The following PAPLN variants were observed in gnomAD, a reference collection of about 807,000 sequenced individuals.
PAPLN encodes the protein papilin, proteoglycan like sulfated glycoprotein.
Under a neutral mutation model 159.0 loss-of-function variants are expected in PAPLN, and 146 were observed. The observed-to-expected ratio is 0.92, with a 90% CI of 0.80 to 1.05. PAPLN has a LOEUF of 1.05. Among genes scored for constraint, PAPLN ranks in the 50% least tolerant of loss-of-function variants. PAPLN has a pLI of 0.00. For missense variants in PAPLN, 1,720 were observed against 1,743.9 expected (o/e 0.99, Z 0.24); for synonymous variants, 734 against 702.9 (o/e 1.04, Z -0.70).
Position 73,263,743 on chromosome 14 carries a change from C to CTG in PAPLN, c.2823_2824dup (p.Ala942ValfsTer23). ...GACGACACTGCCCCGGAATCCCAGGCTGCCTGGCAGAAAGATGGCCAGCCC... is the reference window on the plus strand; with the variant it reads ...GACGACACTGCCCCGGAATCCCAGGCTGTGCCTGGCAGAAAGATGGCCAGCCC... On this transcript the variant is annotated frameshift_variant, in exon 20 of 27. Coordinates refer to ENST00000644200, the MANE Select transcript of PAPLN (RefSeq NM_001365906.3). LOFTEE classifies it high-confidence loss of function. The CTG allele has an allele frequency of 3.1e-6, 5 of 1,608,324 alleles. No homozygotes were observed. The highest frequency in any genetic ancestry group is 4.2e-6 in the Non-Finnish European group (5 of 1,179,904).
At chr14:73,253,621 C>A in intron 11 of PAPLN, 133 bp from the exon 12 acceptor site, 1 of 839,560 alleles carries the variant, frequency 1.2e-6, no homozygotes, top group Non-Finnish European at 1.8e-6. Context: ...AGCCTTTGTT[C>A]AGGCTGGAGG....
Position 73,265,458 on chromosome 14 carries a change from C to T in PAPLN, c.3214C>T (p.Pro1072Ser), listed in dbSNP as rs1887124739. 1.2e-6 allele frequency: 2 copies of T among 1,613,728 alleles called. No homozygotes were observed. The highest frequency in any genetic ancestry group is 1.7e-6 in the Non-Finnish European group (2 of 1,180,020). ...RMTCRAEGFP[P>S]PAIEWQRDGQ... Reference sequence around the variant, plus strand: ...GACCTGCCGTGCCGAAGGCTTCCCGCCCCCAGCCATCGAGTGGCAGAGAGA... The same window carrying T: ...GACCTGCCGTGCCGAAGGCTTCCCGTCCCCAGCCATCGAGTGGCAGAGAGA... The change falls in exon 23 of 27, where the codon CCC (proline) becomes TCC (serine). Residue 1072 changes from proline (P) to serine (S), a missense_variant. By Grantham distance (74) the Pro-to-Ser change is moderately conservative (BLOSUM62 -1). Transcript: ENST00000644200. This position sits in a 1 kb window ranked among gnomAD's most constrained non-coding sequence, Gnocchi z 4.1.
chr14:73,254,157 C>T (rs1885621739), intron 12 of PAPLN, among the ~76,000 whole-genome samples, 196 bp downstream of exon 12: 1 of 152,164 alleles, frequency 6.6e-6, no homozygotes, highest in African/African-American at 2.4e-5. Flanking sequence ...CCTTTTTCTC[C>T]AGGATCCCAG....
chr14:73,258,657 G>A (rs1886205179), intron 14 of PAPLN, among the ~76,000 whole-genome samples: 2 of 143,158 alleles, frequency 1.4e-5, no homozygotes, highest in African/African-American at 5.2e-5. Flanking sequence ...AGCTACTCAG[G>A]GGGCTGAAGT....
Position 73,268,669 on chromosome 14 carries a change from T to TGGTAGGC in PAPLN, c.3613_3614insGGTAGGC (p.Tyr1205TrpfsTer2). Reference sequence around the variant, plus strand: ...TGAGGGCTCCTACACGTGCAGTGCCTACCAGGGGAGCCAGGCAGTCAGCCG... The same window carrying TGGTAGGC: ...TGAGGGCTCCTACACGTGCAGTGCCTGGTAGGCACCAGGGGAGCCAGGCAGTCAGCCG... On this transcript the variant is annotated stop_gained and frameshift_variant, in exon 26 of 27. Transcript: ENST00000644200. LOFTEE classifies it high-confidence loss of function. 6.2e-7 allele frequency: 1 copy of TGGTAGGC among 1,613,782 alleles called. No individual in the cohort carries two copies. Among genetic ancestry groups the TGGTAGGC allele is most frequent in the Non-Finnish European group, 8.5e-7 (1 of 1,179,878 alleles).
intron 26 of PAPLN, 163 bp from the exon 27 acceptor site, chr14:73,272,332 A>G (rs770001960): frequency 7.1e-6 from 4 of 566,636 alleles, no homozygotes; most frequent in Non-Finnish European, 1.2e-5. Flanking sequence ...CATCCCTCAT[A>G]GAGTTTGTAC....
chr14:73,263,983 T>C, intron 20 of PAPLN: 1 of 1,324,430 alleles, frequency 7.6e-7, no homozygotes. Flanking sequence ...CAGGTGTGTG[T>C]GACAGCCCCC....
intron 26 of PAPLN, among the ~76,000 whole-genome samples, chr14:73,270,373 G>A (rs535021073): frequency 8.4e-4 from 128 of 152,340 alleles, no homozygotes; most frequent in African/African-American, 2.8e-3. Context: ...GGGTGTTACA[G>A]GGACAAATGT....
intron 16 of PAPLN, among the ~76,000 whole-genome samples, chr14:73,260,143 A>C (rs1279906224): frequency 6.6e-6 from 1 of 152,118 alleles, no homozygotes; most frequent in Non-Finnish European, 1.5e-5. Flanking sequence ...GGGCCACGTG[A>C]CTTAACCTCT....
intron 26 of PAPLN, among the ~76,000 whole-genome samples, chr14:73,271,864 C>T (rs1216986075): frequency 2.7e-5 from 3 of 109,572 alleles, no homozygotes; most frequent in African/African-American, 1.2e-4. Context: ...GGAGAGAAAA[C>T]AAGGGCTTTG....
Position 73,261,228 on chromosome 14 carries a change from T to TG in PAPLN, c.2180dup (p.Cys727TrpfsTer3). 6.2e-7 allele frequency: 1 copy of TG among 1,613,826 alleles called. No individual in the cohort carries two copies. Among genetic ancestry groups the TG allele is most frequent in the South Asian group, 1.1e-5 (1 of 91,076 alleles). ...GTGCCGGGGCTCCCAGTTTGGCTGT[T>TG]GCTATGACAACGTGGCCACTGCAGC... On this transcript the variant is annotated frameshift_variant, in exon 18 of 27. Coordinates refer to ENST00000644200, the MANE Select transcript of PAPLN (RefSeq NM_001365906.3). LOFTEE classifies it high-confidence loss of function.
chr14:73,257,701 C>T (rs1284463603), intron 14 of PAPLN, among the ~76,000 whole-genome samples: 1 of 150,958 alleles, frequency 6.6e-6, no homozygotes, highest in African/African-American at 2.4e-5. Context: ...TATCTCAATC[C>T]CACAACTAGT....
chr14:73,251,910 G>A lies in PAPLN; in HGVS notation c.843+74G>A, dbSNP rs375179599. On this transcript the variant is annotated intron_variant, in intron 9 of 26. Coordinates refer to ENST00000644200, the MANE Select transcript of PAPLN (RefSeq NM_001365906.3). ...CAAGAGGCTGCCAAGCTCTGTACAT[G>A]GGGGGTTGAGTGGCTCTGGGCTTGA... The A allele has an allele frequency of 1.8e-4, 281 of 1,547,204 alleles. No homozygotes were observed. In the African/African-American group the frequency reaches 3.6e-3, roughly 20 times the overall value.
intron 25 of PAPLN, 127 bp from the exon 26 acceptor site, chr14:73,268,430 C>T: frequency 1.0e-6 from 1 of 967,578 alleles, no homozygotes; most frequent in Non-Finnish European, 1.5e-6. Flanking sequence ...TTCTCCCTGT[C>T]CTCCACCTGT....
At position 73,252,589 on chromosome 14, in the gene PAPLN, G is replaced by A. The variant is rs1885410979; in HGVS notation, c.968-60G>A. On this transcript the variant is annotated intron_variant, in intron 10 of 26. Transcript: ENST00000644200. ...TGAGTGCAGGATGGCGCCTGGCCCA[G>A]GGAACGCGCTTGGTGAATGTTGACT... is the stretch of plus-strand genomic sequence containing the variant. 2.5e-6 allele frequency: 4 copies of A among 1,579,344 alleles called. No homozygotes were observed. In the East Asian group the frequency reaches 9.0e-5, roughly 36 times the overall value.
At position 73,245,619 on chromosome 14, in the gene PAPLN, G is replaced by A. The variant is rs1323635521; in HGVS notation, c.171-17G>A. The A allele has an allele frequency of 3.9e-6, 6 of 1,554,160 alleles. No individual in the cohort carries two copies. In the Middle Eastern group the frequency reaches 5.0e-4, roughly 130 times the overall value. ...GTTGGGTCTCGGTCAGGTCTTCCCG[G>A]TGCTCTGGTCCCGCAGGAGAGATGG... On this transcript the variant is annotated splice_polypyrimidine_tract_variant and intron_variant, in intron 3 of 26. Transcript: ENST00000644200. This position sits in a 1 kb window ranked among gnomAD's most constrained non-coding sequence, Gnocchi z 4.2.
In PAPLN at chr14:73,262,498, A is replaced by C. The variant is rs370735477; in HGVS notation, c.2394A>C (p.Gln798His). Residue 798 changes from glutamine to histidine, a missense_variant, in exon 19 of 27, where the codon CAA (glutamine) becomes CAC (histidine). By Grantham distance (24) the Gln-to-His change is conservative. Transcript: ENST00000644200. ...ATGCCAATAACTTTGCCTCGGAGCA[A>C]GAGTGCATGAGCAGCTGCCAGGGAT... ...HGNANNFASE[Q>H]ECMSSCQGSL... is the part of the protein sequence containing the mutation. 2 of 1,590,354 alleles carry C rather than the reference A, an allele frequency of 1.3e-6. No individual in the cohort carries two copies. Among genetic ancestry groups the C allele is most frequent in the African/African-American group, 2.7e-5 (2 of 74,336 alleles).
At chr14:73,251,591 G>T (rs777581445) in intron 8 of PAPLN, 25 bp downstream of exon 8, 12 of 1,613,204 alleles carry the variant, frequency 7.4e-6, no homozygotes, top group Non-Finnish European at 1.0e-5. Flanking sequence ...TTAGGTCCTA[G>T]GCAGGTCTGG....
intron 24 of PAPLN, 31 bp from the exon 25 acceptor site, chr14:73,266,692 G>C (rs1887245111): frequency 1.9e-6 from 3 of 1,614,056 alleles, no homozygotes; most frequent in Non-Finnish European, 2.5e-6. Context: ...GATCTTCATA[G>C]TGGCTGACAA....
Sources: allele counts gnomAD v4.1 joint callset (sites outside exome capture counted in the v4.1 genomes callset), GRCh38; gene constraint gnomAD v4.1.1; non-coding constraint Gnocchi (gnomAD v3.1); transcripts MANE v1.5; gene names NCBI Gene and HGNC (gene_info 2026-07-23, HGNC 2026-07-21).